The following LRP1B variants were observed in gnomAD, a reference collection of about 807,000 sequenced individuals.
LRP1B encodes the protein LDL receptor related protein 1B.
A neutral mutation model predicts 556.6 loss-of-function variants in LRP1B; 217 were observed. The observed-to-expected ratio is 0.39, with a 90% CI of 0.35 to 0.44. LRP1B has a LOEUF of 0.44. LRP1B is among the 20% of genes least tolerant of loss of function. The probability of loss-of-function intolerance (pLI) is 1.00; values close to 1 mark genes in which losing one functional copy is unlikely to be tolerated. For synonymous variants in LRP1B, 2,047 were observed against 1,865.8 expected, an observed-to-expected ratio of 1.10 and a Z score of -2.50; for missense variants, 5,053 against 5,620.8, an observed-to-expected ratio of 0.90 and a Z score of 3.23.
intron 3 of LRP1B, among the ~76,000 whole-genome samples, chr2:141,393,485 A>G (rs1690129997): frequency 6.6e-6 from 1 of 152,120 alleles, no homozygotes; most frequent in Non-Finnish European, 1.5e-5. Context: ...GTGCTTTCTG[A>G]CTGTGAGTTA....
intron 6 of LRP1B, among the ~76,000 whole-genome samples, chr2:141,209,464 A>G (rs1349539035): frequency 6.6e-6 from 1 of 152,152 alleles, no homozygotes; most frequent in Non-Finnish European, 1.5e-5. Context: ...TCCTTTATAA[A>G]TTACCCAGTC....
In LRP1B at chr2:140,788,238, A is replaced by C. The variant is rs184927415; in HGVS notation, c.5360-12000T>G. 3.5e-3 allele frequency among the ~76,000 whole-genome samples: 529 copies of C among 152,362 alleles called. 3 individuals are homozygous for C. The highest frequency in any genetic ancestry group is 6.1e-3 in the Non-Finnish European group (414 of 68,038). On this transcript the variant is annotated intron_variant, in intron 32 of 90. Transcript: ENST00000389484. ...AATGAGTCAACAACAACAACAACAA[A>C]AAACTAAAACTTACATATGACTATA...
At position 141,229,434 on chromosome 2, in the gene LRP1B, G is replaced by A. The variant is rs748655800; in HGVS notation, c.599C>T (p.Thr200Ile). 37 of 1,555,316 alleles carry A rather than the reference G, an allele frequency of 2.4e-5. 1 individual carries two copies. In the Admixed American group the frequency reaches 5.8e-4, roughly 24 times the overall value. Residue 200 changes from threonine to isoleucine, a missense_variant, in exon 6 of 91, where the codon ACA becomes ATA. By Grantham distance (89) the Thr-to-Ile change is moderately conservative (BLOSUM62 -1). This residue lies in a region of LRP1B where 3,619 missense variants were observed against 3,931.9 expected (regional missense o/e 0.92). Transcript: ENST00000389484. ...NRSCKAKIEPTDRPPILLIAN... is the reference protein window; with the variant it reads ...NRSCKAKIEPIDRPPILLIAN... ...AATTAATAGTATAGGTGGTCTATCT[G>A]TAGGTTCTGGAATAAAATAGAAAAA...
intron 43 of LRP1B, among the ~76,000 whole-genome samples, chr2:140,583,601 G>A (rs1439730819): frequency 6.6e-6 from 1 of 151,646 alleles, no homozygotes; most frequent in African/African-American, 2.4e-5. Context: ...AATAATTAAG[G>A]TCATGTATCT....
At chr2:141,694,762 G>T (rs980009418) in intron 2 of LRP1B, among the ~76,000 whole-genome samples, 3 of 151,986 alleles carry the variant, frequency 2.0e-5, no homozygotes, top group African/African-American at 7.2e-5. Flanking sequence ...CAGGAAAGGA[G>T]CTACCAAATG....
chr2:141,845,252 C>T (rs113565281), intron 1 of LRP1B, among the ~76,000 whole-genome samples: 16 of 151,562 alleles, frequency 1.1e-4, no homozygotes, highest in African/African-American at 2.9e-4. Context: ...AAGACCTCTG[C>T]AGTAATTTTT....
At chr2:141,557,065 ATAATT>A (rs1685984381) in intron 2 of LRP1B, among the ~76,000 whole-genome samples, 1 of 151,854 alleles carries the variant, frequency 6.6e-6, no homozygotes, top group Non-Finnish European at 1.5e-5. Flanking sequence ...TAGTTTAAAT[ATAATT>A]TAAATAATAG....
At chr2:140,524,742 C>T (rs538694850) in intron 49 of LRP1B, among the ~76,000 whole-genome samples, 2 of 151,716 alleles carry the variant, frequency 1.3e-5, no homozygotes, top group African/African-American at 2.4e-5. Flanking sequence ...GGGAGCTAAA[C>T]ATTGAGTACA....
intron 1 of LRP1B, among the ~76,000 whole-genome samples, chr2:141,943,177 CTTTG>C (rs967001842): frequency 7.9e-5 from 12 of 151,950 alleles, no homozygotes; most frequent in East Asian, 1.9e-4. Flanking sequence ...CATTTTCTAC[CTTTG>C]TTTGTCTTGG....
chr2:140,829,133 A>G (rs1319202899), intron 31 of LRP1B, among the ~76,000 whole-genome samples: 1 of 152,180 alleles, frequency 6.6e-6, no homozygotes, highest in Non-Finnish European at 1.5e-5. Context: ...TATATAAAGC[A>G]AATATTAATA....
intron 3 of LRP1B, among the ~76,000 whole-genome samples, chr2:141,280,772 CAA>C (rs1012696144): frequency 4.6e-5 from 7 of 151,806 alleles, no homozygotes; most frequent in African/African-American, 1.4e-4. Flanking sequence ...ATTAAGAAAA[CAA>C]AGTGGTTTTA....
intron 3 of LRP1B, among the ~76,000 whole-genome samples, chr2:141,427,187 C>A (rs987438273): frequency 6.6e-6 from 1 of 152,126 alleles, no homozygotes; most frequent in Non-Finnish European, 1.5e-5. Flanking sequence ...TAAAATCTTA[C>A]AAAATATAAT....
At chr2:141,687,189 A>G (rs1186756385) in intron 2 of LRP1B, among the ~76,000 whole-genome samples, 1 of 151,948 alleles carries the variant, frequency 6.6e-6, no homozygotes, top group Non-Finnish European at 1.5e-5. Flanking sequence ...CACTCTACAA[A>G]ACTCAGTCAT....
chr2:140,375,485 T>A (rs1683185863), intron 68 of LRP1B, among the ~76,000 whole-genome samples: 1 of 152,144 alleles, frequency 6.6e-6, no homozygotes, highest in Non-Finnish European at 1.5e-5. Context: ...GACTTTTCAC[T>A]GGCAGATGTA....
intron 3 of LRP1B, among the ~76,000 whole-genome samples, chr2:141,311,924 G>T (rs893492673): frequency 6.6e-6 from 1 of 152,176 alleles, no homozygotes; most frequent in Non-Finnish European, 1.5e-5. Context: ...AAGCTCCTTT[G>T]GGACAGGGTA....
intron 1 of LRP1B, among the ~76,000 whole-genome samples, chr2:141,990,617 T>C (rs1347747442): frequency 6.6e-6 from 1 of 152,078 alleles, no homozygotes; most frequent in Non-Finnish European, 1.5e-5. Flanking sequence ...AGAGCTAGGC[T>C]ATTCCAAACA....
chr2:140,870,785 T>C (rs1693104414), intron 25 of LRP1B, among the ~76,000 whole-genome samples: 1 of 152,136 alleles, frequency 6.6e-6, no homozygotes, highest in Non-Finnish European at 1.5e-5. Flanking sequence ...ATTTGCTAAA[T>C]TACCTTGTAA....
At chr2:140,410,515 A>T (rs1341072216) in intron 66 of LRP1B, among the ~76,000 whole-genome samples, 1 of 151,832 alleles carries the variant, frequency 6.6e-6, no homozygotes, top group East Asian at 1.9e-4. Context: ...GTAGAATCAT[A>T]TTTATCAGAG....
intron 35 of LRP1B, among the ~76,000 whole-genome samples, chr2:140,762,470 G>GT (rs200198732): frequency 0.053 from 8,078 of 151,734 alleles, 298 homozygotes; most frequent in Middle Eastern, 0.11. Context: ...AATATTAAGG[G>GT]TTTTTTTTGT....
Sources: allele counts gnomAD v4.1 joint callset (sites outside exome capture counted in the v4.1 genomes callset), GRCh38; gene constraint gnomAD v4.1.1; regional missense constraint gnomAD v4.1.1; transcripts MANE v1.5; gene names NCBI Gene and HGNC (gene_info 2026-07-23, HGNC 2026-07-21).